The following NNT variants were observed in gnomAD, a reference collection of about 807,000 sequenced individuals.
NNT encodes the protein nicotinamide nucleotide transhydrogenase, also known as NAD(P) transhydrogenase, mitochondrial.
Under a neutral mutation model 104.8 loss-of-function variants are expected in NNT, and 50 were observed. The observed-to-expected ratio is 0.48, with a 90% CI of 0.38 to 0.60. NNT has a LOEUF of 0.60. Among genes scored for constraint, NNT ranks in the 20% least tolerant of loss-of-function variants. The pLI is 0.00. For missense variants in NNT, 1,131 were observed against 1,330.7 expected, an observed-to-expected ratio of 0.85 and a Z score of 2.33; for synonymous variants, 461 against 490.4, an observed-to-expected ratio of 0.94 and a Z score of 0.79.
rs147526237 is a variant in NNT at position 43,660,535 on chromosome 5, T to A, written c.2634+1185T>A. ...ATAAATAATTTAGACAAGAAAGGGA[T>A]CTGTATTAGTCCATTCTCACACTGC... On this transcript the variant is annotated intron_variant, in intron 17 of 21. Coordinates refer to ENST00000344920, the MANE Select transcript of NNT (RefSeq NM_182977.3). 1.8e-3 allele frequency among the ~76,000 whole-genome samples: 280 copies of A among 152,208 alleles called. 2 individuals carry two copies. Among genetic ancestry groups the A allele is most frequent in the South Asian group, 8.5e-3 (41 of 4,826 alleles).
intron 7 of NNT, among the ~76,000 whole-genome samples, chr5:43,633,506 A>G (rs182015372): frequency 1.1e-4 from 17 of 152,258 alleles, no homozygotes; most frequent in Admixed American, 2.6e-4. Flanking sequence ...CATAGTTTCT[A>G]TTGCCTCCTG....
chr5:43,682,906 A>T (rs1741797263), intron 19 of NNT, among the ~76,000 whole-genome samples: 1 of 152,234 alleles, frequency 6.6e-6, no homozygotes, highest in Non-Finnish European at 1.5e-5. Flanking sequence ...TTAGTTAATT[A>T]ATTGATTAAT....
chr5:43,677,410 G>T (rs1243612779), intron 18 of NNT, among the ~76,000 whole-genome samples: 6 of 151,624 alleles, frequency 4.0e-5, no homozygotes, highest in Non-Finnish European at 7.4e-5. Context: ...GAGAGAGAGA[G>T]AGAGAGAGAG....
At chr5:43,674,076 T>G (rs1741277225) in intron 17 of NNT, among the ~76,000 whole-genome samples, 1 of 151,762 alleles carries the variant, frequency 6.6e-6, no homozygotes, top group Admixed American at 6.6e-5. Flanking sequence ...CCTTTAATAA[T>G]ACACGTAAAG....
chr5:43,639,428 C>G (rs140124221), intron 7 of NNT, among the ~76,000 whole-genome samples: 341 of 152,222 alleles, frequency 2.2e-3, no homozygotes, highest in African/African-American at 7.8e-3. Flanking sequence ...TTACACTAAC[C>G]TGTGGTACAC....
intron 1 of NNT, among the ~76,000 whole-genome samples, chr5:43,607,154 C>T (rs1749267772): frequency 6.6e-6 from 1 of 152,036 alleles, no homozygotes; most frequent in African/African-American, 2.4e-5. Flanking sequence ...CAGGTGCGCA[C>T]CATCACTCCT....
At chr5:43,640,799 T>A (rs1053494224) in intron 7 of NNT, among the ~76,000 whole-genome samples, 1 of 150,942 alleles carries the variant, frequency 6.6e-6, no homozygotes, top group African/African-American at 2.4e-5. Flanking sequence ...TTGTAATATA[T>A]ACATTTTTCA....
At chr5:43,644,470 T>G in intron 8 of NNT, 141 bp from the exon 9 acceptor site, 1 of 1,201,338 alleles carries the variant, frequency 8.3e-7, no homozygotes, top group Non-Finnish European at 1.2e-6. Context: ...TGTTGAAATA[T>G]GTATTTGTTT....
intron 19 of NNT, among the ~76,000 whole-genome samples, chr5:43,684,466 T>G (rs1741879573): frequency 6.6e-6 from 1 of 152,172 alleles, no homozygotes; most frequent in Non-Finnish European, 1.5e-5. Context: ...AGGTGTTTAT[T>G]CCTTTGCCTG....
chr5:43,690,892 T>A (rs1466231472), intron 19 of NNT, among the ~76,000 whole-genome samples: 1 of 152,232 alleles, frequency 6.6e-6, no homozygotes, highest in East Asian at 1.9e-4. Context: ...GCATTTGTTT[T>A]AAATTGTTAA....
intron 13 of NNT, 112 bp downstream of exon 13, chr5:43,651,996 G>A: frequency 8.7e-7 from 1 of 1,145,878 alleles, no homozygotes; most frequent in Non-Finnish European, 1.3e-6. Flanking sequence ...ACTCTGTCAA[G>A]CAAATACAAC....
chr5:43,662,718 C>T (rs1456129809), intron 17 of NNT, among the ~76,000 whole-genome samples: 2 of 151,992 alleles, frequency 1.3e-5, no homozygotes, highest in African/African-American at 2.4e-5. Flanking sequence ...CATGATAAAA[C>T]CCTGTCTCTA....
In NNT at chr5:43,644,748, T is replaced by C. The variant is rs760493655; in HGVS notation, c.1236T>C (p.Asp412=). ...ATAATTTTTATTTTGATGTGAAAGA[T>C]GACTTTGACTTTGGTACGATGGGTC... ...DKDNFYFDVK[D]DFDFGTMGHV... The change falls in exon 9 of 22, where the codon GAT becomes GAC. Residue 412 remains aspartate, a synonymous_variant. Transcript: ENST00000344920. 31 of 1,614,088 alleles carry C rather than the reference T, an allele frequency of 1.9e-5. No individual in the cohort carries two copies. The highest frequency in any genetic ancestry group is 2.1e-5 in the Non-Finnish European group (25 of 1,180,036).
intron 10 of NNT, 139 bp downstream of exon 10, chr5:43,645,649 ATCTATCTCTCTCTC>A (rs1317980248): frequency 1.1e-4 from 15 of 141,112 alleles, no homozygotes; most frequent in African/African-American, 5.9e-4. Flanking sequence ...ACATCTATCT[ATCTATCTCTCTCTC>A]TCTCTCTCTC....
chr5:43,695,820 C>T (rs543970863), intron 19 of NNT, among the ~76,000 whole-genome samples: 10 of 152,176 alleles, frequency 6.6e-5, no homozygotes, highest in Middle Eastern at 3.4e-3. Context: ...TGGGAGCAAG[C>T]CAAAAAAGAG....
chr5:43,666,009 A>G (rs545802288), intron 17 of NNT, among the ~76,000 whole-genome samples: 1 of 151,254 alleles, frequency 6.6e-6, no homozygotes, highest in Non-Finnish European at 1.5e-5. Context: ...AGCGGGGCAG[A>G]GGCGCTCCCC....
In NNT at chr5:43,675,618, T is replaced by C. The variant is rs765324563; in HGVS notation, c.2742T>C (p.Leu914=). ...CTGGCACACATACGGAAATCAACCT[T>C]GACAATGCAATTGACATGATTCGAG... ...EISGTHTEIN[L]DNAIDMIREA... is the part of the protein sequence containing the mutation. Residue 914 remains leucine, a synonymous_variant, in exon 18 of 22, where the codon CTT becomes CTC. Transcript: ENST00000344920. 3.7e-6 allele frequency: 6 copies of C among 1,612,270 alleles called. No homozygotes were observed. The South Asian group carries it at 5.5e-5, about 15-fold the overall frequency.
At chr5:43,666,270 G>A (rs948315094) in intron 17 of NNT, among the ~76,000 whole-genome samples, 1 of 152,098 alleles carries the variant, frequency 6.6e-6, no homozygotes, top group South Asian at 2.1e-4. Flanking sequence ...GTAGCCAGCC[G>A]AGAGCATGCC....
intron 17 of NNT, among the ~76,000 whole-genome samples, chr5:43,671,233 A>G (rs1741062608): frequency 1.3e-5 from 2 of 152,106 alleles, no homozygotes; most frequent in Admixed American, 6.5e-5. Flanking sequence ...TTGACTCTTT[A>G]TCCAATTTGC....
Sources: gnomAD v4.1 joint callset for allele counts (sites outside exome capture counted in the v4.1 genomes callset) on GRCh38, gnomAD v4.1.1 for gene constraint, MANE v1.5 for transcripts, NCBI Gene and HGNC (gene_info 2026-07-23, HGNC 2026-07-21) for gene names.